MARK3: variants seen among roughly 807,000 people sequenced by gnomAD.
MARK3 encodes the protein microtubule affinity regulating kinase 3.
In MARK3, 46 loss-of-function variants were observed where a neutral mutation model predicts 90.1. That is an observed-to-expected ratio of 0.51 (90% CI 0.40 to 0.65). The LOEUF (loss-of-function observed/expected upper bound fraction) is 0.65. Among genes scored for constraint, MARK3 ranks in the 30% least tolerant of loss-of-function variants. The pLI, the probability that MARK3 is intolerant of heterozygous loss-of-function variation, is 0.00. For synonymous variants in MARK3, 321 were observed against 332.6 expected, an observed-to-expected ratio of 0.97 and a Z score of 0.38; for missense variants, 818 against 947.2, an observed-to-expected ratio of 0.86 and a Z score of 1.79.
In MARK3 at chr14:103,449,412, C is replaced by CAAA. The variant is rs34657716; in HGVS notation, c.346+462_346+464dup. Among the ~76,000 whole-genome samples the CAAA allele has an allele frequency of 6.0e-3, 502 of 83,928 alleles. 12 individuals carry two copies. The highest frequency in any genetic ancestry group is 0.023 in the African/African-American group (480 of 21,106). The allele number at this position is 83,928 out of a possible 152,430, so 55.1% of individuals were successfully genotyped here. On this transcript the variant is annotated intron_variant, in intron 4 of 17. Transcript: ENST00000429436. ...GCAACAGAGCGAGACCCCGTCTCTC[C>CAAA]AAAAAAAAAAAAAAAAAAAGTAATA...
At chr14:103,398,817 T>C (rs1354164565) in intron 1 of MARK3, among the ~76,000 whole-genome samples, 1 of 152,248 alleles carries the variant, frequency 6.6e-6, no homozygotes, top group Non-Finnish European at 1.5e-5. Context: ...AGCCATTTAT[T>C]GTCACAACTT....
chr14:103,440,975 G>C (rs1468353230), intron 3 of MARK3, among the ~76,000 whole-genome samples: 1 of 150,348 alleles, frequency 6.7e-6, no homozygotes, highest in Admixed American at 6.6e-5. Context: ...TCTCATTATG[G>C]TTTTAATGTA....
chr14:103,462,185 G>A (rs570258283), intron 6 of MARK3, among the ~76,000 whole-genome samples: 2 of 152,266 alleles, frequency 1.3e-5, no homozygotes, highest in East Asian at 1.9e-4. Flanking sequence ...AGTTAAAACA[G>A]TAGAAAACGG....
At chr14:103,446,975 C>G (rs1595718558) in intron 3 of MARK3, among the ~76,000 whole-genome samples, 5 of 152,222 alleles carry the variant, frequency 3.3e-5, no homozygotes, top group African/African-American at 1.2e-4. Flanking sequence ...TGACTATCTT[C>G]TCATCTCAGA....
intron 2 of MARK3, among the ~76,000 whole-genome samples, chr14:103,415,173 A>AAAAAAAT: frequency 6.6e-6 from 1 of 150,872 alleles, no homozygotes; most frequent in South Asian, 2.1e-4. Flanking sequence ...AAAAAAAAAA[A>AAAAAAAT]AAGATACTCA....
At chr14:103,435,285 A>G (rs972901897) in intron 3 of MARK3, among the ~76,000 whole-genome samples, 14 of 152,212 alleles carry the variant, frequency 9.2e-5, no homozygotes, top group African/African-American at 3.4e-4. Flanking sequence ...TAGAGGTCCT[A>G]TCTTGGCGGG....
At chr14:103,459,957 T>C (rs1205245845) in intron 6 of MARK3, among the ~76,000 whole-genome samples, 1 of 151,838 alleles carries the variant, frequency 6.6e-6, no homozygotes, top group Non-Finnish European at 1.5e-5. Context: ...CATCACCAGA[T>C]GGGTTTTCCC....
chr14:103,411,601 T>C (rs2091634079), intron 2 of MARK3, among the ~76,000 whole-genome samples: 1 of 152,042 alleles, frequency 6.6e-6, no homozygotes. Context: ...CAAGTTCCCC[T>C]CCTGATGATT....
chr14:103,494,544 CAAAAAAAAAAA>C (rs35133138), intron 15 of MARK3, among the ~76,000 whole-genome samples: 1 of 84,622 alleles, frequency 1.2e-5, no homozygotes, highest in Non-Finnish European at 2.2e-5. Context: ...AACTCTGTCT[CAAAAAAAAAAA>C]AAAAAAAAAA....
intron 17 of MARK3, among the ~76,000 whole-genome samples, chr14:103,500,784 C>G (rs2075620789): frequency 6.6e-6 from 1 of 151,990 alleles, no homozygotes; most frequent in Non-Finnish European, 1.5e-5. Context: ...ACCATGCTGG[C>G]TAATTTTTGT....
At chr14:103,437,911 A>G (rs1479573650) in intron 3 of MARK3, among the ~76,000 whole-genome samples, 1 of 152,210 alleles carries the variant, frequency 6.6e-6, no homozygotes, top group Non-Finnish European at 1.5e-5. Flanking sequence ...GGTTGGGATT[A>G]GGTAGTATAG....
intron 4 of MARK3, among the ~76,000 whole-genome samples, chr14:103,449,401 C>A (rs1295576937): frequency 2.1e-5 from 3 of 139,734 alleles, no homozygotes; most frequent in African/African-American, 8.0e-5. Context: ...CAGAGCGAGA[C>A]CCCGTCTCTC....
chr14:103,445,047 T>C (rs1439009439), intron 3 of MARK3, among the ~76,000 whole-genome samples: 3 of 152,228 alleles, frequency 2.0e-5, no homozygotes, highest in East Asian at 3.8e-4. Flanking sequence ...CTCTGGACTT[T>C]TCTATATCAG....
At chr14:103,405,444 G>A (rs574222492) in intron 2 of MARK3, among the ~76,000 whole-genome samples, 177 bp downstream of exon 2, 7 of 152,026 alleles carry the variant, frequency 4.6e-5, no homozygotes, top group African/African-American at 1.5e-4. Context: ...TCTGCCTCCC[G>A]GGTTCACACC....
intron 6 of MARK3, chr14:103,458,844 G>A (rs746735097): frequency 6.6e-6 from 4 of 609,136 alleles, no homozygotes; most frequent in Non-Finnish European, 1.2e-5. Context: ...CTTATATTTT[G>A]CTGTTGCTTA....
At chr14:103,399,656 G>A (rs902247705) in intron 1 of MARK3, among the ~76,000 whole-genome samples, 3 of 144,070 alleles carry the variant, frequency 2.1e-5, no homozygotes, top group Non-Finnish European at 3.0e-5. Flanking sequence ...TCGAGATGGC[G>A]CCACTGCACT....
At chr14:103,445,222 G>T (rs567808118) in intron 3 of MARK3, among the ~76,000 whole-genome samples, 1 of 152,088 alleles carries the variant, frequency 6.6e-6, no homozygotes, top group Admixed American at 6.6e-5. Context: ...TGTCTCAGTC[G>T]TCTGTCTCTG....
At chr14:103,447,014 C>G (rs1486835328) in intron 3 of MARK3, among the ~76,000 whole-genome samples, 1 of 152,096 alleles carries the variant, frequency 6.6e-6, no homozygotes, top group Admixed American at 6.5e-5. Context: ...ACCACAGTTG[C>G]AAAGGGAGAT....
At chr14:103,466,849 A>C (rs182986767) in intron 10 of MARK3, among the ~76,000 whole-genome samples, 1 of 151,916 alleles carries the variant, frequency 6.6e-6, no homozygotes, top group African/African-American at 2.4e-5. Flanking sequence ...TACTAAAACT[A>C]CAAAATTAGC....
Sources: allele counts gnomAD v4.1 joint callset (sites outside exome capture counted in the v4.1 genomes callset), GRCh38; gene constraint gnomAD v4.1.1; transcripts MANE v1.5; gene names NCBI Gene and HGNC (gene_info 2026-07-23, HGNC 2026-07-21).